Variants in POC1B observed in about 807,000 individuals in gnomAD.
The protein encoded by POC1B is POC1 centriolar protein homolog B.
Under a neutral mutation model 60.6 loss-of-function variants are expected in POC1B, and 44 were observed. The ratio of observed to expected loss-of-function variants is 0.73; its 90% CI spans 0.57 to 0.93. POC1B has a LOEUF of 0.93. Among genes scored for constraint, POC1B ranks in the 40% least tolerant of loss-of-function variants. The pLI is 0.00. For synonymous variants in POC1B, 180 were observed against 198.9 expected (o/e 0.90, Z 0.80); for missense variants, 555 against 572.3 (o/e 0.97, Z 0.31).
intron 10 of POC1B, among the ~76,000 whole-genome samples, chr12:89,442,710 A>C (rs1034890814): frequency 6.6e-6 from 1 of 152,328 alleles, no homozygotes; most frequent in African/African-American, 2.4e-5. Context: ...TGAGCAAAAT[A>C]ACCAGCTAAC....
chr12:89,476,388 C>T (rs567835871), intron 4 of POC1B, among the ~76,000 whole-genome samples: 1 of 152,246 alleles, frequency 6.6e-6, no homozygotes, highest in African/African-American at 2.4e-5. Context: ...GAACCAAAAA[C>T]GTCCATGAAC....
intron 2 of POC1B, chr12:89,519,943 T>C (rs1244802408): frequency 1.3e-5 from 2 of 152,202 alleles, no homozygotes; most frequent in Non-Finnish European, 2.9e-5. Context: ...AGCATATACA[T>C]TAACTTAAAA....
chr12:89,415,657 T>A (rs947455124), downstream of POC1B, among the ~76,000 whole-genome samples: 80 of 148,844 alleles, frequency 5.4e-4, no homozygotes, highest in East Asian at 2.9e-3. Flanking sequence ...AAAAAAAAAA[T>A]AATAAAGAAA....
chr12:89,402,773 T>C, the POC1B span, among the ~76,000 whole-genome samples: 2 of 152,206 alleles, frequency 1.3e-5, no homozygotes, highest in African/African-American at 4.8e-5. Flanking sequence ...AAGGTCTCGC[T>C]CTTTCACCCA....
At chr12:89,418,988 G>A (rs950327201), downstream of POC1B, among the ~76,000 whole-genome samples, 1 of 152,020 alleles carries the variant, frequency 6.6e-6, no homozygotes, top group Non-Finnish European at 1.5e-5. Flanking sequence ...GGTAAGAAGT[G>A]GTCAGGTGTT....
chr12:89,429,133 A>G (rs1361636223), intron 10 of POC1B: 1 of 152,208 alleles, frequency 6.6e-6, no homozygotes, highest in African/African-American at 2.4e-5. Context: ...CTAAGCAATA[A>G]AAGAGCTCCA....
intron 4 of POC1B, among the ~76,000 whole-genome samples, chr12:89,480,311 AT>A (rs1043747681): frequency 6.6e-6 from 1 of 151,616 alleles, no homozygotes. Context: ...TAATTTTTGT[AT>A]TTTTTGTAGA....
chr12:89,436,413 G>C (rs755337589), intron 10 of POC1B, among the ~76,000 whole-genome samples: 8 of 152,100 alleles, frequency 5.3e-5, no homozygotes, highest in Non-Finnish European at 1.2e-4. Flanking sequence ...TAACCAGCAT[G>C]ATTCAAATAA....
chr12:89,467,631 C>T lies in POC1B; in HGVS notation c.865G>A (p.Gly289Ser), dbSNP rs902745803. 17 of 1,611,310 alleles carry T rather than the reference C, an allele frequency of 1.1e-5. No homozygotes were observed. The highest frequency in any genetic ancestry group is 1.4e-5 in the Non-Finnish European group (17 of 1,178,152). Residue 289 changes from glycine to serine, a missense_variant, in exon 8 of 12, where the codon GGT (glycine) becomes AGT (serine). Physicochemically the swap from Gly to Ser is moderately conservative, Grantham distance 56. Coordinates refer to ENST00000313546, the MANE Select transcript of POC1B (RefSeq NM_172240.3). ...GATTTACAAACCTGTGTGTCTGCAC[C>T]TCCTGATGCAAATAGCTCTCCACCT... ...SKGGELFASGGADTQVLLWRT... is the reference protein window; with the variant it reads ...SKGGELFASGSADTQVLLWRT...
intron 10 of POC1B, among the ~76,000 whole-genome samples, chr12:89,456,650 T>C (rs1316883508): frequency 6.6e-6 from 1 of 152,228 alleles, no homozygotes; most frequent in Non-Finnish European, 1.5e-5. Flanking sequence ...CAGAAACTTT[T>C]TTTTTTAACA....
At chr12:89,408,948 T>C in the POC1B span, among the ~76,000 whole-genome samples, 2 of 152,226 alleles carry the variant, frequency 1.3e-5, no homozygotes, top group Non-Finnish European at 1.5e-5. Flanking sequence ...GTTCATATCC[T>C]TTGCCCACTT....
Position 89,501,717 on chromosome 12 carries a change from T to C in POC1B, c.101-4375A>G, listed in dbSNP as rs1044648156. The C allele has an allele frequency of 2.0e-5, 19 of 934,068 alleles. No homozygotes were observed. In the African/African-American group the frequency reaches 2.7e-4, roughly 13 times the overall value. The allele number at this position is 934,068 out of a possible 1,614,324, so 57.9% of individuals were successfully genotyped here. A position where few individuals can be genotyped will look rare whatever the true frequency, so the allele number is the denominator to read the frequency against. On this transcript the variant is annotated intron_variant, in intron 2 of 11. Coordinates refer to ENST00000313546, the MANE Select transcript of POC1B (RefSeq NM_172240.3). ...GGTGGGTGGTAAAATCAGAGGAGAG[T>C]CCTGTTTATAGCAATTCTTCAATAA...
chr12:89,457,540 C>A (rs1322077829), intron 10 of POC1B, among the ~76,000 whole-genome samples: 1 of 152,184 alleles, frequency 6.6e-6, no homozygotes, highest in Non-Finnish European at 1.5e-5. Flanking sequence ...TTACAATCTA[C>A]CTAGATGGGA....
At chr12:89,472,839 T>G (rs1428611182) in intron 4 of POC1B, 2 of 152,550 alleles carry the variant, frequency 1.3e-5, no homozygotes, top group East Asian at 3.8e-4. Context: ...ATAGGACAAT[T>G]CATTTATACA....
rs1310650039 is a variant in POC1B at position 89,517,559 on chromosome 12, G to C, written c.100+7561C>G. On this transcript the variant is annotated intron_variant, in intron 2 of 11. Transcript: ENST00000313546. ...GAGGCATGAGAATCGCTTGAACTTG[G>C]GAGATGGAGGTTGCAGTGAGCCAAG... 1.2e-4 allele frequency among the ~76,000 whole-genome samples: 19 copies of C among 152,026 alleles called. 1 individual carries two copies. The highest frequency in any genetic ancestry group is 1.2e-3 in the Admixed American group (19 of 15,280).
In POC1B at chr12:89,470,361, C is replaced by A; in HGVS notation, c.810G>T (p.Thr270=). The change falls in exon 7 of 12, where the codon ACG becomes ACT. Residue 270 remains threonine (T), a splice_region_variant and synonymous_variant. Coordinates refer to ENST00000313546, the MANE Select transcript of POC1B (RefSeq NM_172240.3). ...GRLIYTLQGH[T]GPVFTVSFSK... is the part of the protein sequence containing the mutation. ...AAAGCAAGAATCTGAGTGTTAATACCGTATGTCCTTGAAGTGTATAGATGA... is the reference window on the plus strand; with the variant it reads ...AAAGCAAGAATCTGAGTGTTAATACAGTATGTCCTTGAAGTGTATAGATGA... 1.4e-6 allele frequency: 2 copies of A among 1,453,290 alleles called. No homozygotes were observed. Among genetic ancestry groups the A allele is most frequent in the Non-Finnish European group, 1.8e-6 (2 of 1,082,052 alleles). 90.0% of individuals were successfully genotyped at this position (1,453,290 alleles called of 1,614,324 possible). A position where few individuals can be genotyped will look rare whatever the true frequency, so the allele number is the denominator to read the frequency against.
At chr12:89,430,035 G>T (rs1254870174) in intron 10 of POC1B, among the ~76,000 whole-genome samples, 1 of 152,144 alleles carries the variant, frequency 6.6e-6, no homozygotes, top group African/African-American at 2.4e-5. Context: ...TATCAAAAAG[G>T]ATGGCAGGGC....
At chr12:89,515,703 C>G (rs547647102) in intron 2 of POC1B, among the ~76,000 whole-genome samples, 1 of 152,264 alleles carries the variant, frequency 6.6e-6, no homozygotes, top group East Asian at 1.9e-4. Context: ...GAGCACTTCT[C>G]AAATCTCTGA....
In POC1B at chr12:89,436,645, C is replaced by T. The variant is rs111305200; in HGVS notation, c.1114-11266G>A. On this transcript the variant is annotated intron_variant, in intron 10 of 11. Coordinates refer to ENST00000313546, the MANE Select transcript of POC1B (RefSeq NM_172240.3). The stretch of plus-strand genomic sequence containing the variant: ...AGAAGAATCACTTGAACCTGGGAGA[C>T]GGAGGTTGCAGTGAGCCGAGATCGC... 6.8e-3 allele frequency among the ~76,000 whole-genome samples: 1,032 copies of T among 151,574 alleles called. 12 individuals are homozygous for T. Among genetic ancestry groups the T allele is most frequent in the African/African-American group, 0.024 (986 of 41,276 alleles).
Sources: gnomAD v4.1 joint callset for allele counts (sites outside exome capture counted in the v4.1 genomes callset) on GRCh38, gnomAD v4.1.1 for gene constraint, MANE v1.5 for transcripts, NCBI Gene and HGNC (gene_info 2026-07-23, HGNC 2026-07-21) for gene names.